The following CDH4 variants were observed in gnomAD, a reference collection of about 807,000 sequenced individuals.
The protein encoded by CDH4 is cadherin 4, also known as cadherin-4.
A neutral mutation model predicts 86.0 loss-of-function variants in CDH4; 33 were observed. That is an observed-to-expected ratio of 0.38 (90% CI 0.29 to 0.51). The LOEUF is 0.51. CDH4 is among the 20% of genes least tolerant of loss of function. The pLI, the probability that CDH4 is intolerant of heterozygous loss-of-function variation, is 0.86. For synonymous variants in CDH4, 555 were observed against 549.4 expected, an observed-to-expected ratio of 1.01 and a Z score of -0.14; for missense variants, 1,114 against 1,307.4, an observed-to-expected ratio of 0.85 and a Z score of 2.28.
At chr20:61,830,794 T>A (rs1001676023) in intron 4 of CDH4, among the ~76,000 whole-genome samples, 15 of 152,168 alleles carry the variant, frequency 9.9e-5, no homozygotes, top group African/African-American at 2.4e-5. Context: ...GGGCGCCCTT[T>A]CTTGCCTCTA....
intron 2 of CDH4, among the ~76,000 whole-genome samples, chr20:61,381,513 CAT>C (rs1445763877): frequency 6.6e-6 from 1 of 152,126 alleles, no homozygotes; most frequent in Non-Finnish European, 1.5e-5. Flanking sequence ...AAGGAAAGAA[CAT>C]GTGACCCTTT....
chr20:61,719,808 G>A (rs2150129), intron 2 of CDH4: 12,465 of 152,248 alleles, frequency 0.082, 652 homozygotes, highest in East Asian at 0.21. Flanking sequence ...GATAATTCCT[G>A]GCAGTTTCTG....
chr20:61,707,677 A>G (rs1010705220), intron 2 of CDH4, among the ~76,000 whole-genome samples: 1 of 151,962 alleles, frequency 6.6e-6, no homozygotes, highest in Non-Finnish European at 1.5e-5. Context: ...AATGAAGACA[A>G]TTTTTCCATG....
intron 2 of CDH4, among the ~76,000 whole-genome samples, chr20:61,335,400 GC>G (rs1449927946): frequency 6.6e-6 from 1 of 152,226 alleles, no homozygotes; most frequent in East Asian, 1.9e-4. Flanking sequence ...TGTGTGTGAT[GC>G]ACAGATGTGA....
intron 2 of CDH4, among the ~76,000 whole-genome samples, chr20:61,327,371 A>G (rs1421128248): frequency 2.6e-5 from 4 of 152,158 alleles, no homozygotes; most frequent in African/African-American, 9.7e-5. Context: ...CCACAACTCA[A>G]TTTGGTGGAG....
At chr20:61,429,936 G>A (rs1345241015) in intron 2 of CDH4, among the ~76,000 whole-genome samples, 2 of 152,198 alleles carry the variant, frequency 1.3e-5, no homozygotes, top group Admixed American at 6.5e-5. Context: ...TGAGAAAGGC[G>A]TCAAAATTTC....
chr20:61,444,483 CTG>C (rs1392163698), intron 2 of CDH4, among the ~76,000 whole-genome samples: 1 of 150,814 alleles, frequency 6.6e-6, no homozygotes. Context: ...GAGTGTTTCT[CTG>C]TGTGTGTCTG....
intron 7 of CDH4, among the ~76,000 whole-genome samples, chr20:61,880,603 C>A (rs1030004883): frequency 4.6e-5 from 7 of 152,192 alleles, no homozygotes; most frequent in Admixed American, 6.5e-5. Flanking sequence ...CCATGGCGTC[C>A]CCCAAGTGTG....
chr20:61,911,908 T>G lies in CDH4; in HGVS notation c.1374+1301T>G, dbSNP rs189237730. Among the ~76,000 whole-genome samples the G allele has an allele frequency of 1.7e-4, 26 of 152,360 alleles. No individual in the cohort carries two copies. The East Asian group carries it at 4.4e-3, about 26-fold the overall frequency. On this transcript the variant is annotated intron_variant, in intron 9 of 15. Coordinates refer to ENST00000614565, the MANE Select transcript of CDH4 (RefSeq NM_001794.5). ...TCCTTCAGCAGCCCGGAGCAGAGAC[T>G]TAACCACAGAAATTTAAATACTCGA... is the stretch of plus-strand genomic sequence containing the variant.
At chr20:61,640,931 G>A (rs557559603) in intron 2 of CDH4, among the ~76,000 whole-genome samples, 3 of 152,302 alleles carry the variant, frequency 2.0e-5, no homozygotes, top group East Asian at 3.9e-4. Flanking sequence ...GAGTGGTGCC[G>A]GGCAAGGCAG....
intron 2 of CDH4, among the ~76,000 whole-genome samples, chr20:61,575,047 T>A (rs557365808): frequency 6.6e-6 from 1 of 152,196 alleles, no homozygotes; most frequent in African/African-American, 2.4e-5. Flanking sequence ...GTTTTGTTAA[T>A]GAGGTTCTAG....
chr20:61,786,882 C>A (rs1978906711), intron 4 of CDH4, among the ~76,000 whole-genome samples: 1 of 152,156 alleles, frequency 6.6e-6, no homozygotes, highest in Non-Finnish European at 1.5e-5. Context: ...GGTGCTAATG[C>A]GTGGGCTCCC....
chr20:61,500,203 TA>T (rs1051061706), intron 2 of CDH4, among the ~76,000 whole-genome samples: 5 of 152,138 alleles, frequency 3.3e-5, no homozygotes, highest in African/African-American at 1.2e-4. Context: ...GTTTGTCAAA[TA>T]ATGGAAGTAT....
intron 2 of CDH4, among the ~76,000 whole-genome samples, chr20:61,270,249 A>T (rs900145068): frequency 3.3e-5 from 5 of 152,234 alleles, no homozygotes; most frequent in Non-Finnish European, 5.9e-5. Context: ...GCCGTATCCT[A>T]TTTAATGCTT....
intron 2 of CDH4, among the ~76,000 whole-genome samples, chr20:61,312,390 G>A (rs2084451492): frequency 6.6e-6 from 1 of 151,322 alleles, no homozygotes; most frequent in South Asian, 2.1e-4. Flanking sequence ...CATGATGTGA[G>A]TGGTGTGGTG....
chr20:61,573,295 C>T (rs530172140), intron 2 of CDH4, among the ~76,000 whole-genome samples: 1 of 152,348 alleles, frequency 6.6e-6, no homozygotes, highest in South Asian at 2.1e-4. Flanking sequence ...GAGTCAAAGT[C>T]CAACGACTGC....
intron 2 of CDH4, among the ~76,000 whole-genome samples, chr20:61,547,706 A>G (rs922547984): frequency 6.6e-6 from 1 of 152,198 alleles, no homozygotes; most frequent in Non-Finnish European, 1.5e-5. Flanking sequence ...CCCTGCAGAC[A>G]GCGCAGGAGC....
Position 61,894,902 on chromosome 20 carries a change from C to G in CDH4, c.1051-8C>G. On this transcript the variant is annotated splice_region_variant and splice_polypyrimidine_tract_variant and intron_variant, in intron 7 of 15. Coordinates refer to ENST00000614565, the MANE Select transcript of CDH4 (RefSeq NM_001794.5). ...TCTGTTCTTTCTCAACTGGTGTCTCCCTTCCAGAAAGTTCAGCAGTACACA... is the reference window on the plus strand; with the variant it reads ...TCTGTTCTTTCTCAACTGGTGTCTCGCTTCCAGAAAGTTCAGCAGTACACA... 1 of 1,608,602 alleles carries G rather than the reference C, an allele frequency of 6.2e-7. No individual in the cohort carries two copies. The highest frequency in any genetic ancestry group is 1.7e-5 in the Admixed American group (1 of 58,780).
At chr20:61,645,087 T>A (rs1324674057) in intron 2 of CDH4, among the ~76,000 whole-genome samples, 1 of 152,186 alleles carries the variant, frequency 6.6e-6, no homozygotes, top group Non-Finnish European at 1.5e-5. Flanking sequence ...CCTTCAATAC[T>A]TCCTTGGAGG....
Sources: gnomAD v4.1 joint callset for allele counts (sites outside exome capture counted in the v4.1 genomes callset) on GRCh38, gnomAD v4.1.1 for gene constraint, MANE v1.5 for transcripts, NCBI Gene and HGNC (gene_info 2026-07-23, HGNC 2026-07-21) for gene names.